GOLPH3L: variants seen among roughly 807,000 people sequenced by gnomAD.
The protein encoded by GOLPH3L is Golgi phosphoprotein 3-like.
In GOLPH3L, 22 loss-of-function variants were observed where a neutral mutation model predicts 30.3. That is an observed-to-expected ratio of 0.73 (90% confidence interval 0.52 to 1.04). The LOEUF (loss-of-function observed/expected upper bound fraction) is 1.04. Among genes scored for constraint, GOLPH3L ranks in the 50% least tolerant of loss-of-function variants. The pLI, the probability that GOLPH3L is intolerant of heterozygous loss-of-function variation, is 0.00. For synonymous variants in GOLPH3L, 120 were observed against 128.2 expected (o/e 0.94, Z 0.43); for missense variants, 303 against 345.8 (o/e 0.88, Z 0.98).
chr1:150,693,625 G>A (rs760194370), intron 2 of GOLPH3L, among the ~76,000 whole-genome samples: 21 of 151,480 alleles, frequency 1.4e-4, no homozygotes, highest in Non-Finnish European at 2.6e-4. Context: ...ATGTATACTA[G>A]TAGAGAAGCC....
In GOLPH3L at chr1:150,647,495, G is replaced by GAAA. The variant is rs747251099; in HGVS notation, c.*823_*825dup. 4 of 102,640 alleles carry GAAA rather than the reference G, an allele frequency of 3.9e-5. No homozygotes were observed. Among genetic ancestry groups the GAAA allele is most frequent in the Non-Finnish European group, 8.5e-5 (4 of 46,998 alleles). The allele number at this position is 102,640 out of a possible 1,614,324, so 6.4% of individuals were successfully genotyped here. A position where few individuals can be genotyped will look rare whatever the true frequency, so the allele number is the denominator to read the frequency against. ...GCAAGAGCAAGACCCTGTCTCAAAA[G>GAAA]AAAAAAAAAAAAAAAGTGGCCTGGG... On this transcript the variant is annotated 3_prime_UTR_variant, in exon 5 of 5. Transcript: ENST00000271732.
intron 2 of GOLPH3L, among the ~76,000 whole-genome samples, chr1:150,670,149 C>A (rs587773734): frequency 6.6e-6 from 1 of 151,758 alleles, no homozygotes; most frequent in Non-Finnish European, 1.5e-5. Flanking sequence ...GTAATCCCAG[C>A]CACTCAGGAA....
intron 2 of GOLPH3L, among the ~76,000 whole-genome samples, chr1:150,673,212 T>C (rs1318749961): frequency 2.6e-5 from 4 of 152,160 alleles, no homozygotes; most frequent in Non-Finnish European, 5.9e-5. Context: ...CTCTGTCACC[T>C]AGGCTGGAGT....
At chr1:150,658,884 T>C (rs1650307748) in intron 4 of GOLPH3L, among the ~76,000 whole-genome samples, 1 of 152,156 alleles carries the variant, frequency 6.6e-6, no homozygotes, top group South Asian at 2.1e-4. Flanking sequence ...AAGATCCAAA[T>C]TTGGGAAAGA....
rs1650025125 is a variant in GOLPH3L at position 150,648,169 on chromosome 1, G to A, written c.*152C>T. 1 of 603,892 alleles carries A rather than the reference G, an allele frequency of 1.7e-6. No individual in the cohort carries two copies. Among genetic ancestry groups the A allele is most frequent in the Admixed American group, 3.0e-5 (1 of 33,642 alleles). 37.4% of individuals were successfully genotyped at this position (603,892 alleles called of 1,614,324 possible). On this transcript the variant is annotated 3_prime_UTR_variant, in exon 5 of 5. Transcript: ENST00000271732. ...CTGCTTATAATGGTCAAGGTCTATG[G>A]AGAAGCCCTGAAGTTGCTCTCCCCA...
At chr1:150,668,527 C>T (rs1343249143) in intron 2 of GOLPH3L, among the ~76,000 whole-genome samples, 5 of 152,104 alleles carry the variant, frequency 3.3e-5, no homozygotes, top group South Asian at 4.1e-4. Flanking sequence ...GGACTACAGG[C>T]GCGTGCCACC....
intron 2 of GOLPH3L, among the ~76,000 whole-genome samples, chr1:150,691,359 T>C (rs1651207051): frequency 6.6e-6 from 1 of 151,810 alleles, no homozygotes; most frequent in South Asian, 2.1e-4. Flanking sequence ...CTACTAAAAA[T>C]ACAAAAATTA....
intron 2 of GOLPH3L, among the ~76,000 whole-genome samples, chr1:150,682,267 A>G (rs1650972359): frequency 6.6e-6 from 1 of 152,046 alleles, no homozygotes; most frequent in African/African-American, 2.4e-5. Context: ...AGTTTTGACA[A>G]AAGCATATAT....
At chr1:150,663,607 T>C in intron 3 of GOLPH3L, 25 bp downstream of exon 3, 1 of 1,592,092 alleles carries the variant, frequency 6.3e-7, no homozygotes, top group East Asian at 2.3e-5. Flanking sequence ...CCATAAGCCA[T>C]GGACGTTCAC....
chr1:150,678,601 T>C (rs1022155773), intron 2 of GOLPH3L, among the ~76,000 whole-genome samples: 8 of 152,172 alleles, frequency 5.3e-5, no homozygotes, highest in Non-Finnish European at 2.9e-5. Context: ...GCTGGTTACA[T>C]GAGAGTTTAT....
chr1:150,696,407 A>G (rs963815535), intron 1 of GOLPH3L, among the ~76,000 whole-genome samples: 2 of 152,130 alleles, frequency 1.3e-5, no homozygotes, highest in African/African-American at 4.8e-5. Context: ...TAAAGTATTT[A>G]TTATAGTCTT....
chr1:150,683,948 T>A (rs1001824137), intron 2 of GOLPH3L, among the ~76,000 whole-genome samples: 3 of 152,158 alleles, frequency 2.0e-5, no homozygotes, highest in African/African-American at 7.2e-5. Flanking sequence ...GTTGAAGTTA[T>A]AACCCCCATT....
chr1:150,692,174 T>C (rs1346602778), intron 2 of GOLPH3L, among the ~76,000 whole-genome samples: 1 of 152,122 alleles, frequency 6.6e-6, no homozygotes, highest in Non-Finnish European at 1.5e-5. Flanking sequence ...ATAAGTACAG[T>C]TGGGAATCAA....
intron 2 of GOLPH3L, among the ~76,000 whole-genome samples, chr1:150,680,875 G>C (rs1001556214): frequency 2.6e-5 from 4 of 152,176 alleles, no homozygotes; most frequent in African/African-American, 7.2e-5. Context: ...CAGGCTGGGC[G>C]CAGTGGCTCA....
chr1:150,678,162 G>A (rs745326635), intron 2 of GOLPH3L, among the ~76,000 whole-genome samples: 8 of 150,762 alleles, frequency 5.3e-5, no homozygotes, highest in Non-Finnish European at 7.4e-5. Flanking sequence ...AGCTGGGCGT[G>A]GTGGCACATA....
chr1:150,671,204 T>G (rs1240697314), intron 2 of GOLPH3L, among the ~76,000 whole-genome samples: 2 of 150,696 alleles, frequency 1.3e-5, no homozygotes, highest in African/African-American at 2.4e-5. Context: ...TTCGTGCCAC[T>G]GCACTCCAGC....
chr1:150,674,710 C>T (rs1410234772), intron 2 of GOLPH3L, among the ~76,000 whole-genome samples: 1 of 151,994 alleles, frequency 6.6e-6, no homozygotes, highest in Admixed American at 6.6e-5. Context: ...AGGCAACATA[C>T]TGAGACTCCA....
rs1649981246 is a variant in GOLPH3L at position 150,646,484 on chromosome 1, T to C, written c.*1837A>G. 6.6e-6 allele frequency: 1 copy of C among 152,184 alleles called. No individual in the cohort carries two copies. Among genetic ancestry groups the C allele is most frequent in the Admixed American group, 6.5e-5 (1 of 15,274 alleles). The allele number at this position is 152,184 out of a possible 1,614,324, so 9.4% of individuals were successfully genotyped here. A position where few individuals can be genotyped will look rare whatever the true frequency, so the allele number is the denominator to read the frequency against. On this transcript the variant is annotated 3_prime_UTR_variant, in exon 5 of 5. Coordinates refer to ENST00000271732, the MANE Select transcript of GOLPH3L (RefSeq NM_018178.6). ...CAAAGAAAAGAAAAAGCTAAATCAG[T>C]TAGAGACAACACATGGACTGGCTTT... is the stretch of plus-strand genomic sequence containing the variant.
intron 2 of GOLPH3L, among the ~76,000 whole-genome samples, chr1:150,683,522 A>C (rs1651010088): frequency 1.1e-5 from 1 of 91,610 alleles, no homozygotes; most frequent in Admixed American, 1.6e-4. Context: ...GGCGACAGAG[A>C]CTCTGTCTCA....
Sources: allele counts gnomAD v4.1 joint callset (sites outside exome capture counted in the v4.1 genomes callset), GRCh38; gene constraint gnomAD v4.1.1; transcripts MANE v1.5; gene names NCBI Gene and HGNC (gene_info 2026-07-23, HGNC 2026-07-21).